TMEM130: variants seen among roughly 807,000 people sequenced by gnomAD.
TMEM130 encodes the protein transmembrane protein 130.
TMEM130 carries 37 observed loss-of-function variants against 42.9 expected under a neutral mutation model. That is an observed-to-expected ratio of 0.86 (90% CI 0.66 to 1.13). The LOEUF is 1.13. TMEM130 is among the 50% of genes most tolerant of loss of function. TMEM130 has a pLI of 0.00. For missense variants in TMEM130, 545 were observed against 562.6 expected, an observed-to-expected ratio of 0.97 and a Z score of 0.32; for synonymous variants, 259 against 237.7, an observed-to-expected ratio of 1.09 and a Z score of -0.82.
rs782346303 is a variant in TMEM130 at position 98,848,595 on chromosome 7, C to G, written c.1107G>C (p.Lys369Asn). Residue 369 changes from lysine to asparagine, a missense_variant, in exon 7 of 8, where the codon AAG becomes AAC. Coordinates refer to ENST00000339375, the MANE Select transcript of TMEM130 (RefSeq NM_152913.3). ...ACTGAGTACCCACCTCCACCATGTC[C>G]TTTTGCTGAGTGGCATTCCGCAGGG... is the stretch of plus-strand genomic sequence containing the variant. ...YMTLRNATQQKDMVENPEPPS... is the reference protein window; with the variant it reads ...YMTLRNATQQNDMVENPEPPS... 7 of 1,612,072 alleles carry G rather than the reference C, an allele frequency of 4.3e-6. No homozygotes were observed. Among genetic ancestry groups the G allele is most frequent in the Non-Finnish European group, 5.9e-6 (7 of 1,178,108 alleles).
At chr7:98,855,100 C>T in intron 5 of TMEM130, 140 bp downstream of exon 5, 1 of 553,388 alleles carries the variant, frequency 1.8e-6, no homozygotes, top group Admixed American at 3.7e-5. Context: ...CATGGCCCAG[C>T]CTCAAGACAA....
chr7:98,856,097 T>C lies in TMEM130; in HGVS notation c.638A>G (p.Glu213Gly). Residue 213 changes from glutamate to glycine, a missense_variant, in exon 4 of 8, where the codon GAG becomes GGG. By Grantham distance (98) the Glu-to-Gly change is moderately conservative. Coordinates refer to ENST00000339375, the MANE Select transcript of TMEM130 (RefSeq NM_152913.3). ...TFTVKLKVVA[E>G]WEEVEPDATR... ...GGCATCCGGCTCCACCTCTTCCCAC[T>C]CCGCCACCACTTTGAGCTTCACGGT... is the stretch of plus-strand genomic sequence containing the variant. 6.2e-7 allele frequency: 1 copy of C among 1,613,766 alleles called. No homozygotes were observed. The highest frequency in any genetic ancestry group is 8.5e-7 in the Non-Finnish European group (1 of 1,179,986).
intron 1 of TMEM130, chr7:98,866,706 G>T (rs1794917629): frequency 6.6e-6 from 1 of 152,216 alleles, no homozygotes; most frequent in Admixed American, 6.5e-5. Flanking sequence ...CCCTGTGGGG[G>T]ACTCCAGCTC....
At chr7:98,851,704 G>A in intron 5 of TMEM130, 81 bp from the exon 6 acceptor site, 4 of 1,319,224 alleles carry the variant, frequency 3.0e-6, no homozygotes, top group South Asian at 3.0e-5. Flanking sequence ...CAGGCCAGGT[G>A]GGCAGGAACT....
chr7:98,846,850 C>T lies in TMEM130; in HGVS notation c.*1206G>A, dbSNP rs1794364492. The T allele has an allele frequency of 2.0e-5, 3 of 151,660 alleles. No individual in the cohort carries two copies. The highest frequency in any genetic ancestry group is 4.4e-5 in the Non-Finnish European group (3 of 67,946). The allele number at this position is 151,660 out of a possible 1,614,324, so 9.4% of individuals were successfully genotyped here. ...CAGGGAACCCAAGTCCCTGCTGACT[C>T]AACCTCTTCTTTTTTTTTTTTTGGA... On this transcript the variant is annotated 3_prime_UTR_variant, in exon 8 of 8. Transcript: ENST00000339375.
At chr7:98,857,657 G>A (rs568201237) in intron 3 of TMEM130, among the ~76,000 whole-genome samples, 2 of 150,488 alleles carry the variant, frequency 1.3e-5, no homozygotes, top group African/African-American at 2.4e-5. Flanking sequence ...CAGTGATCAC[G>A]CCACTGCACT....
At chr7:98,856,436 T>A (rs1280807080) in intron 3 of TMEM130, among the ~76,000 whole-genome samples, 2 of 152,200 alleles carry the variant, frequency 1.3e-5, no homozygotes, top group Non-Finnish European at 2.9e-5. Flanking sequence ...ATTTCTCACA[T>A]TAGCCAAAGT....
intron 3 of TMEM130, among the ~76,000 whole-genome samples, chr7:98,857,273 G>A (rs765150002): frequency 2.0e-4 from 31 of 152,026 alleles, no homozygotes; most frequent in Admixed American, 1.4e-3. Context: ...GGATAATATC[G>A]ATGGACCCTG....
At chr7:98,866,252 C>G (rs150001083) in intron 1 of TMEM130, 1 of 151,840 alleles carries the variant, frequency 6.6e-6, no homozygotes, top group African/African-American at 2.4e-5. Context: ...TGGTGGTTGC[C>G]GTGAGCCGAG....
chr7:98,860,123 C>T lies in TMEM130; in HGVS notation c.551+56G>A, dbSNP rs531953650. Reference sequence around the variant, plus strand: ...GATTCGGAGTACCCTGCACAGTGCGCGGGACAGTGGGGCACCAGTGACAGC... The same window carrying T: ...GATTCGGAGTACCCTGCACAGTGCGTGGGACAGTGGGGCACCAGTGACAGC... On this transcript the variant is annotated intron_variant, in intron 3 of 7. Coordinates refer to ENST00000339375, the MANE Select transcript of TMEM130 (RefSeq NM_152913.3). 649 of 1,556,882 alleles carry T rather than the reference C, an allele frequency of 4.2e-4. 5 individuals carry two copies. The highest frequency in any genetic ancestry group is 1.0e-3 in the African/African-American group (76 of 73,036).
At position 98,848,639 on chromosome 7, in the gene TMEM130, C is replaced by A; in HGVS notation, c.1063G>T (p.Ala355Ser). 1 of 1,614,044 alleles carries A rather than the reference C, an allele frequency of 6.2e-7. No homozygotes were observed. The highest frequency in any genetic ancestry group is 8.5e-7 in the Non-Finnish European group (1 of 1,179,984). The change falls in exon 7 of 8, where the codon GCC becomes TCC. Residue 355 changes from alanine to serine, a missense_variant. Ala to Ser is a moderately conservative substitution (Grantham distance 99). Transcript: ENST00000339375. ...CGCAGGGTCATGTACATGATGAAGG[C>A]CAACATCACAGTGATAAGTGTAGCA... ...PCATLITVML[A>S]FIMYMTLRNA...
Position 98,847,504 on chromosome 7 carries a change from CTGTGTG to C in TMEM130, c.*546_*551del, listed in dbSNP as rs148531068. Reference sequence around the variant, plus strand: ...CCATGTGACGCATGTGTTTATATTTCTGTGTGTGTGTGTGTGTGTGTGTGTGTGTGT... The same window carrying C: ...CCATGTGACGCATGTGTTTATATTTCTGTGTGTGTGTGTGTGTGTGTGTGT... On this transcript the variant is annotated 3_prime_UTR_variant, in exon 8 of 8. Transcript: ENST00000339375. 0.086 allele frequency: 12,934 copies of C among 150,764 alleles called. 570 individuals are homozygous for C. Among genetic ancestry groups the C allele is most frequent in the Middle Eastern group, 0.14 (41 of 290 alleles). The allele number at this position is 150,764 out of a possible 1,614,324, so 9.3% of individuals were successfully genotyped here. A position where few individuals can be genotyped will look rare whatever the true frequency, so the allele number is the denominator to read the frequency against.
At chr7:98,864,548 G>C (rs1554400388) in intron 1 of TMEM130, among the ~76,000 whole-genome samples, 1 of 151,644 alleles carries the variant, frequency 6.6e-6, no homozygotes, top group Non-Finnish European at 1.5e-5. Context: ...GACAGTGCTG[G>C]TCTCATGCCT....
rs1299942206 is a variant in TMEM130, at chr7:98,865,300, C to G, written c.86-1900G>C. Among the ~76,000 whole-genome samples the G allele has an allele frequency of 2.0e-5, 3 of 152,168 alleles. No individual in the cohort carries two copies. The East Asian group carries it at 5.8e-4, about 29-fold the overall frequency. On this transcript the variant is annotated intron_variant, in intron 1 of 7. Coordinates refer to ENST00000339375, the MANE Select transcript of TMEM130 (RefSeq NM_152913.3). Reference sequence around the variant, plus strand: ...TCCCTGGAGGGACCTCACAGGAGACCTGCTGGGCTTTCAACAAGAAAGGCT... The same window carrying G: ...TCCCTGGAGGGACCTCACAGGAGACGTGCTGGGCTTTCAACAAGAAAGGCT...
intron 1 of TMEM130, among the ~76,000 whole-genome samples, chr7:98,867,768 A>G (rs1277088197): frequency 6.6e-6 from 1 of 152,032 alleles, no homozygotes; most frequent in Non-Finnish European, 1.5e-5. Flanking sequence ...ACTTTTTCTC[A>G]GTCTGTTTTT....
At chr7:98,848,821 A>G in intron 6 of TMEM130, 126 bp from the exon 7 acceptor site, 1 of 706,050 alleles carries the variant, frequency 1.4e-6, no homozygotes, top group Non-Finnish European at 2.6e-6. Flanking sequence ...ACCCTCATGT[A>G]CATGCATCCC....
chr7:98,860,250 G>T lies in TMEM130; in HGVS notation c.480C>A (p.Ser160=), dbSNP rs1554399588. Residue 160 remains serine, a synonymous_variant, in exon 3 of 8, where the codon TCC becomes TCA. Transcript: ENST00000339375. ...SYLTKTVLKV[S]FLLHDPSNFL... ...AGTTGCTCGGGTCGTGGAGGAGGAA[G>T]GAGACTTTCAGGACGGTCTTAGTGA... 6.2e-7 allele frequency: 1 copy of T among 1,614,006 alleles called. No homozygotes were observed. Among genetic ancestry groups the T allele is most frequent in the South Asian group, 1.1e-5 (1 of 91,060 alleles).
At chr7:98,862,174 C>T (rs1402944648) in intron 2 of TMEM130, among the ~76,000 whole-genome samples, 2 of 151,906 alleles carry the variant, frequency 1.3e-5, no homozygotes, top group Non-Finnish European at 2.9e-5. Flanking sequence ...AAGATAAATT[C>T]ATTATTAGAC....
chr7:98,863,561 T>C (rs990391817), intron 1 of TMEM130, among the ~76,000 whole-genome samples, 161 bp from the exon 2 acceptor site: 1 of 152,036 alleles, frequency 6.6e-6, no homozygotes, highest in Non-Finnish European at 1.5e-5. Flanking sequence ...CAATTCGACA[T>C]CAAACCTGGG....
Sources: gnomAD v4.1 joint callset for allele counts (sites outside exome capture counted in the v4.1 genomes callset) on GRCh38, gnomAD v4.1.1 for gene constraint, MANE v1.5 for transcripts, NCBI Gene and HGNC (gene_info 2026-07-23, HGNC 2026-07-21) for gene names.